Variants in WDR46 observed in about 807,000 individuals in gnomAD.
The protein encoded by WDR46 is WD repeat domain 46.
In WDR46, 58 loss-of-function variants were observed where a neutral mutation model predicts 74.7. The observed-to-expected ratio is 0.78, with a 90% CI of 0.63 to 0.97. The LOEUF (loss-of-function observed/expected upper bound fraction) is 0.97. WDR46 is among the 50% of genes least tolerant of loss of function. The probability of loss-of-function intolerance (pLI) is 0.00; values close to 1 mark genes in which losing one functional copy is unlikely to be tolerated. For missense variants in WDR46, 702 were observed against 790.1 expected (o/e 0.89, Z 1.34); for synonymous variants, 278 against 297.3 (o/e 0.93, Z 0.67).
chr6:33,287,959 C>T lies in WDR46; in HGVS notation c.623+6G>A. 1.2e-6 allele frequency: 2 copies of T among 1,614,046 alleles called. No homozygotes were observed. Among genetic ancestry groups the T allele is most frequent in the East Asian group, 2.2e-5 (1 of 44,886 alleles). ...TAGTTCAAGAGTCACTAGAATTCAA[C>T]CTTACCTTCCAGTTCGAGAGTAGTT... On this transcript the variant is annotated splice_donor_region_variant and intron_variant, in intron 6 of 14. Coordinates refer to ENST00000374617, the MANE Select transcript of WDR46 (RefSeq NM_005452.6).
intron 2 of WDR46, 32 bp downstream of exon 2, chr6:33,288,772 C>G: frequency 6.2e-7 from 1 of 1,613,598 alleles, no homozygotes; most frequent in Non-Finnish European, 8.5e-7. Context: ...ACGAGGCGGC[C>G]TGCCTCGCCA....
Position 33,279,563 on chromosome 6 carries a change from CTGCTTT to C in WDR46, c.1662_1667del (p.Gln556_Lys557del). On this transcript the variant is annotated inframe_deletion, in exon 14 of 15. Coordinates refer to ENST00000374617, the MANE Select transcript of WDR46 (RefSeq NM_005452.6). ...GGCTTGCCGTGGAGCTGCGGCCCTT[CTGCTTT>C]GGCTTTGGCTGGAAGGGAGCCTTAG... is the stretch of plus-strand genomic sequence containing the variant. 6.2e-7 allele frequency: 1 copy of C among 1,614,186 alleles called. No individual in the cohort carries two copies. Among genetic ancestry groups the C allele is most frequent in the African/African-American group, 1.3e-5 (1 of 75,068 alleles).
At chr6:33,280,602 TC>T in intron 11 of WDR46, 71 bp downstream of exon 11, 2 of 1,601,842 alleles carry the variant, frequency 1.2e-6, no homozygotes, top group Non-Finnish European at 1.7e-6. Context: ...AGCCCCCAGT[TC>T]CTGGATGTCT....
intron 10 of WDR46, among the ~76,000 whole-genome samples, chr6:33,285,213 T>C (rs1486501630): frequency 2.0e-5 from 3 of 152,132 alleles, no homozygotes; most frequent in African/African-American, 7.2e-5. Context: ...TTATTATTTT[T>C]TTTTTCTGAG....
chr6:33,287,816 G>T, intron 6 of WDR46, 98 bp from the exon 7 acceptor site: 2 of 1,523,754 alleles, frequency 1.3e-6, no homozygotes, highest in South Asian at 1.1e-5. Flanking sequence ...CTCCAGGCGG[G>T]CAGACACATG....
intron 12 of WDR46, among the ~76,000 whole-genome samples, chr6:33,280,092 G>C (rs187169092): frequency 1.3e-4 from 20 of 151,576 alleles, no homozygotes; most frequent in East Asian, 9.8e-4. Context: ...TCTCCAGCAG[G>C]GGGGAACCTG....
intron 10 of WDR46, 135 bp from the exon 11 acceptor site, chr6:33,281,122 TC>T: frequency 1.3e-6 from 1 of 792,450 alleles, no homozygotes; most frequent in Non-Finnish European, 2.0e-6. Context: ...CCCTGAACAC[TC>T]CACAGGCATC....
chr6:33,287,843 C>G (rs1194415764), intron 6 of WDR46, 122 bp downstream of exon 6: 2 of 1,496,190 alleles, frequency 1.3e-6, no homozygotes, highest in Non-Finnish European at 1.9e-6. Context: ...TAGGTGCTTA[C>G]CCTCACACCC....
rs765933685 is a variant in WDR46 at position 33,280,488 on chromosome 6, A to G, written c.1464T>C (p.Ser488=). The G allele has an allele frequency of 6.2e-7, 1 of 1,600,824 alleles. No homozygotes were observed. The highest frequency in any genetic ancestry group is 2.2e-5 in the East Asian group (1 of 44,510). Residue 488 remains serine, a synonymous_variant, in exon 12 of 15, where the codon AGT becomes AGC. Transcript: ENST00000374617. ...AGEPNFDGLE[S]NPYRSRKQRQ... is the part of the protein sequence containing the mutation. ...GCTGCTTCCGGCTTCTGTATGGATT[A>G]CTCTCCAGGCCATCGAAGTTGGGCT...
intron 10 of WDR46, 113 bp downstream of exon 10, chr6:33,286,682 G>T: frequency 1.0e-6 from 1 of 983,502 alleles, no homozygotes; most frequent in Non-Finnish European, 1.6e-6. Flanking sequence ...TGGTAACACT[G>T]CGATTTAAAC....
chr6:33,285,712 A>G (rs1766558560), intron 10 of WDR46, among the ~76,000 whole-genome samples: 1 of 152,022 alleles, frequency 6.6e-6, no homozygotes, highest in Non-Finnish European at 1.5e-5. Flanking sequence ...TTTAGTAGAG[A>G]CAGAGTTTCG....
At position 33,289,189 on chromosome 6, in the gene WDR46, G is replaced by T; in HGVS notation, c.-19C>A. On this transcript the variant is annotated 5_prime_UTR_variant, in exon 1 of 15. Coordinates refer to ENST00000374617, the MANE Select transcript of WDR46 (RefSeq NM_005452.6). ...TCTCCATCTCGCCCACCCGAACGGC[G>T]ATCCACGTGCAAAACTCCTCTCAGC... 1 of 1,604,352 alleles carries T rather than the reference G, an allele frequency of 6.2e-7. No individual in the cohort carries two copies.
In WDR46 at chr6:33,288,677, T is replaced by A. The variant is rs775699607; in HGVS notation, c.297A>T (p.Pro99=). The A allele has an allele frequency of 3.0e-5, 48 of 1,613,158 alleles. No homozygotes were observed. Among genetic ancestry groups the A allele is most frequent in the Non-Finnish European group, 3.9e-5 (46 of 1,179,514 alleles). ...CTTCCACAGGGACGGGGGCGGGGCC[T>A]GGGAATGGATCTTGGGTCTAGGGGA... The part of the protein sequence containing the change: ...RGLSGTQDPF[P]GPAPVPVEVV... The change falls in exon 3 of 15, where the codon CCA becomes CCT. Residue 99 remains proline, a synonymous_variant. Coordinates refer to ENST00000374617, the MANE Select transcript of WDR46 (RefSeq NM_005452.6).
chr6:33,287,788 C>T, intron 6 of WDR46, 70 bp from the exon 7 acceptor site: 6 of 1,564,216 alleles, frequency 3.8e-6, no homozygotes, highest in Admixed American at 1.7e-5. Flanking sequence ...TGAGGTCTGC[C>T]CCACGCCAGC....
rs1016183002 is a variant in WDR46, at chr6:33,287,135, C to T, written c.971G>A (p.Ser324Asn). ...GATGACGGCATTGTAAGGGTTCTGA[C>T]TCATAACATCGAGCCGCCCAGCTCG... ...NARAGRLDVM[S>N]QNPYNAVIHL... The change falls in exon 9 of 15, where the codon AGT becomes AAT. Residue 324 changes from serine (S) to asparagine (N), a missense_variant. By Grantham distance (46) the Ser-to-Asn change is conservative (BLOSUM62 1). Transcript: ENST00000374617. 4.7e-5 allele frequency: 76 copies of T among 1,613,856 alleles called. No individual in the cohort carries two copies. The highest frequency in any genetic ancestry group is 6.4e-5 in the Non-Finnish European group (76 of 1,180,008).
chr6:33,287,937 T>C (rs1403603679), intron 6 of WDR46, 28 bp downstream of exon 6: 1 of 1,613,170 alleles, frequency 6.2e-7, no homozygotes, highest in South Asian at 1.1e-5. Context: ...CACATCTTAG[T>C]TCAAGAGTCA....
intron 12 of WDR46, 80 bp from the exon 13 acceptor site, chr6:33,279,939 T>C: frequency 7.2e-7 from 1 of 1,397,924 alleles, no homozygotes; most frequent in Non-Finnish European, 9.9e-7. Flanking sequence ...GGGAGGCTGC[T>C]GAACCCCTCT....
At position 33,289,002 on chromosome 6, in the gene WDR46, T is replaced by C; in HGVS notation, c.81A>G (p.Arg27=). The C allele has an allele frequency of 1.2e-6, 2 of 1,614,024 alleles. No individual in the cohort carries two copies. The highest frequency in any genetic ancestry group is 1.7e-6 in the Non-Finnish European group (2 of 1,180,002). The change falls in exon 2 of 15, where the codon CGA becomes CGG. Residue 27 remains arginine (R), a synonymous_variant. Coordinates refer to ENST00000374617, the MANE Select transcript of WDR46 (RefSeq NM_005452.6). ...TCGGAACGGTCTCTTCCTCCCAGTA[T>C]CGCCGCGGTTTCTACAGGCACATCA... The part of the protein sequence containing the change: ...KLQTKRKKPR[R]YWEEETVPTT...
At chr6:33,288,567 G>C in intron 3 of WDR46, 47 bp downstream of exon 3, 3 of 1,609,924 alleles carry the variant, frequency 1.9e-6, no homozygotes, top group Non-Finnish European at 2.5e-6. Context: ...AACTCACCCA[G>C]ACACTCCCTG....
Sources: allele counts gnomAD v4.1 joint callset (sites outside exome capture counted in the v4.1 genomes callset), GRCh38; gene constraint gnomAD v4.1.1; transcripts MANE v1.5; gene names NCBI Gene and HGNC (gene_info 2026-07-23, HGNC 2026-07-21).